The following CENPP variants were observed in gnomAD, a reference collection of about 807,000 sequenced individuals.
CENPP encodes the protein centromere protein P.
CENPP carries 24 observed loss-of-function variants against 35.6 expected under a neutral mutation model. That is an observed-to-expected ratio of 0.67 (90% confidence interval 0.49 to 0.95). The LOEUF (loss-of-function observed/expected upper bound fraction) is 0.95, where lower values mean the gene tolerates loss of function less well. Among genes scored for constraint, CENPP ranks in the 40% least tolerant of loss-of-function variants. CENPP has a pLI of 0.00. For missense variants in CENPP, 332 were observed against 345.3 expected (o/e 0.96, Z 0.31); for synonymous variants, 120 against 125.5 (o/e 0.96, Z 0.29).
intron 5 of CENPP, chr9:92,500,607 A>G: frequency 1.0e-6 from 1 of 1,000,140 alleles, no homozygotes; most frequent in Non-Finnish European, 1.5e-6. Flanking sequence ...TGTTTAATCC[A>G]ACCCCTTAGC....
intron 5 of CENPP, among the ~76,000 whole-genome samples, chr9:92,531,911 A>G (rs1848778155): frequency 6.6e-6 from 1 of 151,460 alleles, no homozygotes; most frequent in African/African-American, 2.4e-5. Flanking sequence ...CATTGTGAAG[A>G]TACGGTTGAT....
intron 5 of CENPP, chr9:92,522,495 C>T: frequency 7.6e-7 from 1 of 1,312,138 alleles, no homozygotes; most frequent in Non-Finnish European, 1.0e-6. Flanking sequence ...TTCTCCCTCT[C>T]TCCCTCTCTC....
Position 92,379,797 on chromosome 9 carries a change from C to T in CENPP, c.502C>T (p.Arg168Ter), listed in dbSNP as rs371577890. The T allele has an allele frequency of 2.7e-5, 43 of 1,613,250 alleles. No homozygotes were observed. Among genetic ancestry groups the T allele is most frequent in the South Asian group, 4.4e-5 (4 of 91,064 alleles). ...GAGAAAAGATCTGTTCATGTTTTTC[C>T]GAAGCCTGCATTTTTTTGTGGAGTG... is the stretch of plus-strand genomic sequence containing the variant. ...EERKDLFMFF[R>*]SLHFFVEWFE... Residue 168 changes from arginine (R) to a stop codon, truncating the protein, a stop_gained, in exon 5 of 8, where the codon CGA becomes TGA. Transcript: ENST00000375587. LOFTEE classifies it high-confidence loss of function.
At chr9:92,377,500 G>C (rs555090486) in intron 4 of CENPP, among the ~76,000 whole-genome samples, 1 of 152,282 alleles carries the variant, frequency 6.6e-6, no homozygotes, top group Non-Finnish European at 1.5e-5. Context: ...TGGCCAGGTA[G>C]GGAGTGTGGC....
intron 5 of CENPP, among the ~76,000 whole-genome samples, chr9:92,411,199 CCTGACCTCGTGAT>C (rs1843435697): frequency 6.6e-6 from 1 of 152,178 alleles, no homozygotes; most frequent in Non-Finnish European, 1.5e-5. Flanking sequence ...GTCTCAGTCT[CCTGACCTCGTGAT>C]CTGCCCTCCT....
At chr9:92,474,871 G>A in intron 5 of CENPP, 3 of 1,613,622 alleles carry the variant, frequency 1.9e-6, no homozygotes, top group Non-Finnish European at 2.5e-6. Flanking sequence ...ACAAAGCCAG[G>A]AATAATAGGA....
chr9:92,502,777 TCA>T, intron 5 of CENPP: 1 of 800,990 alleles, frequency 1.2e-6, no homozygotes, highest in Non-Finnish European at 1.8e-6. Flanking sequence ...TACTGCTCTT[TCA>T]AGTAAGCTCA....
At chr9:92,331,326 G>A (rs1055380107) in intron 1 of CENPP, among the ~76,000 whole-genome samples, 2 of 152,124 alleles carry the variant, frequency 1.3e-5, no homozygotes, top group East Asian at 3.9e-4. Context: ...GACTACAGGC[G>A]CCTGCCACCA....
At chr9:92,594,892 C>CTTTTTTTTT (rs1213825480) in intron 5 of CENPP, among the ~76,000 whole-genome samples, 2 of 105,118 alleles carry the variant, frequency 1.9e-5, no homozygotes, top group East Asian at 2.9e-4. Context: ...GGTTGCTCTT[C>CTTTTTTTTT]TTTTTTTTTT....
intron 5 of CENPP, among the ~76,000 whole-genome samples, chr9:92,380,609 A>C (rs1181585058): frequency 6.6e-6 from 1 of 152,162 alleles, no homozygotes; most frequent in Non-Finnish European, 1.5e-5. Flanking sequence ...GAGCTAATAA[A>C]ATCTGTCAGG....
intron 5 of CENPP, among the ~76,000 whole-genome samples, chr9:92,382,003 T>G (rs1192949893): frequency 3.3e-5 from 5 of 152,118 alleles, no homozygotes; most frequent in Non-Finnish European, 7.4e-5. Flanking sequence ...AAATGTATTT[T>G]TATATGCTGG....
At chr9:92,467,869 A>G (rs1397451551) in intron 5 of CENPP, among the ~76,000 whole-genome samples, 2 of 152,190 alleles carry the variant, frequency 1.3e-5, no homozygotes, top group African/African-American at 2.4e-5. Context: ...AACTGGTAAA[A>G]TATCCTCGTT....
At chr9:92,344,915 T>C (rs1447336751) in intron 3 of CENPP, among the ~76,000 whole-genome samples, 1 of 148,238 alleles carries the variant, frequency 6.7e-6, no homozygotes, top group Non-Finnish European at 1.5e-5. Context: ...CCGCCTGTAA[T>C]CCCAGCACTT....
At chr9:92,471,051 T>C (rs1175604) in intron 5 of CENPP, among the ~76,000 whole-genome samples, 150,311 of 152,258 alleles carry the variant, frequency 0.99, 74,214 homozygotes, top group East Asian at 1. Flanking sequence ...TAAATTGGAG[T>C]GGCCTTAGTG....
intron 5 of CENPP, among the ~76,000 whole-genome samples, chr9:92,585,161 T>C (rs1850511445): frequency 6.6e-6 from 1 of 152,230 alleles, no homozygotes; most frequent in Non-Finnish European, 1.5e-5. Flanking sequence ...GACTGCTCAC[T>C]AGGACTGGGC....
At chr9:92,569,411 G>C (rs1381586660) in intron 5 of CENPP, among the ~76,000 whole-genome samples, 1 of 152,110 alleles carries the variant, frequency 6.6e-6, no homozygotes, top group Non-Finnish European at 1.5e-5. Flanking sequence ...TATTCTTTCT[G>C]AGGGCTCTGT....
intron 5 of CENPP, among the ~76,000 whole-genome samples, chr9:92,467,663 T>C (rs1464817279): frequency 2.0e-5 from 3 of 152,222 alleles, no homozygotes. Flanking sequence ...ACTCATATTG[T>C]TGTTGTTTTT....
intron 4 of CENPP, among the ~76,000 whole-genome samples, chr9:92,358,061 C>T (rs1841640161): frequency 6.6e-6 from 1 of 151,890 alleles, no homozygotes; most frequent in African/African-American, 2.4e-5. Flanking sequence ...TCTCTTAGTT[C>T]ATCTTGGAGT....
chr9:92,397,317 G>A (rs2130915843), intron 5 of CENPP, among the ~76,000 whole-genome samples: 1 of 152,122 alleles, frequency 6.6e-6, no homozygotes, highest in East Asian at 1.9e-4. Context: ...AAAGCACTGG[G>A]GGTTTTTTTG....
Sources: gnomAD v4.1 joint callset for allele counts (sites outside exome capture counted in the v4.1 genomes callset) on GRCh38, gnomAD v4.1.1 for gene constraint, MANE v1.5 for transcripts, NCBI Gene and HGNC (gene_info 2026-07-23, HGNC 2026-07-21) for gene names.